The following CNTN1 variants were observed in gnomAD, a reference collection of about 807,000 sequenced individuals.
CNTN1 encodes contactin 1, also known as contactin-1.
CNTN1 carries 38 observed loss-of-function variants against 126.4 expected under a neutral mutation model. The observed-to-expected ratio is 0.30, with a 90% CI of 0.23 to 0.39. CNTN1 has a LOEUF of 0.39. Ranked by LOEUF, CNTN1 falls within the 10% of genes least tolerant of loss-of-function variation. The pLI is 1.00. For missense variants in CNTN1, 1,009 were observed against 1,248.4 expected, an observed-to-expected ratio of 0.81 and a Z score of 2.89; for synonymous variants, 413 against 422.6, an observed-to-expected ratio of 0.98 and a Z score of 0.28.
chr12:40,945,260 C>A (rs776656025), intron 14 of CNTN1, among the ~76,000 whole-genome samples: 1 of 151,970 alleles, frequency 6.6e-6, no homozygotes, highest in Non-Finnish European at 1.5e-5. Context: ...CCTTATAGAT[C>A]TGAAACTATT....
intron 22 of CNTN1, 91 bp from the exon 23 acceptor site, chr12:41,028,972 A>G: frequency 8.1e-7 from 1 of 1,228,370 alleles, no homozygotes; most frequent in South Asian, 1.2e-5. Flanking sequence ...TTGTTAATCA[A>G]AGTATAAGCA....
At chr12:41,021,138 G>T (rs549301446) in intron 20 of CNTN1, among the ~76,000 whole-genome samples, 1 of 152,142 alleles carries the variant, frequency 6.6e-6, no homozygotes, top group Admixed American at 6.5e-5. Context: ...AAAATTCAAA[G>T]GAATTAACAT....
At chr12:41,004,873 G>A (rs1221611190) in intron 17 of CNTN1, among the ~76,000 whole-genome samples, 2 of 152,172 alleles carry the variant, frequency 1.3e-5, no homozygotes, top group Admixed American at 6.5e-5. Context: ...ATGGGTCTTG[G>A]TTCTTTATCC....
intron 23 of CNTN1, among the ~76,000 whole-genome samples, chr12:41,038,427 C>T (rs1949319272): frequency 6.6e-6 from 1 of 151,944 alleles, no homozygotes; most frequent in Non-Finnish European, 1.5e-5. Context: ...TGTAGATGGC[C>T]GTGTCTTCCC....
chr12:41,066,508 T>G (rs1396266548), intron 23 of CNTN1, among the ~76,000 whole-genome samples: 1 of 152,164 alleles, frequency 6.6e-6, no homozygotes, highest in African/African-American at 2.4e-5. Flanking sequence ...TCAACACAGC[T>G]AAAACATAAT....
chr12:40,710,472 A>T (rs1410154381), intron 1 of CNTN1, among the ~76,000 whole-genome samples: 1 of 152,192 alleles, frequency 6.6e-6, no homozygotes, highest in Non-Finnish European at 1.5e-5. Context: ...AAACGATGAC[A>T]CAGAGATAAG....
intron 1 of CNTN1, chr12:40,729,408 T>C (rs1391073786): frequency 1.3e-5 from 2 of 154,188 alleles, no homozygotes; most frequent in African/African-American, 2.4e-5. Context: ...ATTGTTAATG[T>C]CGACATCACT....
chr12:41,010,431 T>C (rs1397263922), intron 17 of CNTN1, among the ~76,000 whole-genome samples: 1 of 152,160 alleles, frequency 6.6e-6, no homozygotes, highest in African/African-American at 2.4e-5. Context: ...TCCTGGGCTT[T>C]GTATGTTTGC....
At chr12:40,846,906 C>T (rs960543409) in intron 1 of CNTN1, among the ~76,000 whole-genome samples, 1 of 151,778 alleles carries the variant, frequency 6.6e-6, no homozygotes, top group African/African-American at 2.4e-5. Flanking sequence ...CTCACTCTGT[C>T]GCCCAGGCTG....
At chr12:40,914,602 T>G (rs1301931110) in intron 3 of CNTN1, among the ~76,000 whole-genome samples, 1 of 152,182 alleles carries the variant, frequency 6.6e-6, no homozygotes, top group Non-Finnish European at 1.5e-5. Flanking sequence ...TGTCCTATTC[T>G]GCTTTTTGTT....
intron 19 of CNTN1, among the ~76,000 whole-genome samples, chr12:41,019,425 T>C (rs893546262): frequency 6.6e-6 from 1 of 151,990 alleles, no homozygotes; most frequent in Non-Finnish European, 1.5e-5. Flanking sequence ...CTTGTATAAG[T>C]GTTAATCTCT....
chr12:41,033,708 G>A (rs1373328406), intron 23 of CNTN1, among the ~76,000 whole-genome samples: 3 of 152,016 alleles, frequency 2.0e-5, no homozygotes, highest in Non-Finnish European at 4.4e-5. Flanking sequence ...ATAAGGAGAT[G>A]AAGTACCAGG....
At chr12:41,042,250 T>A (rs1400552072) in intron 23 of CNTN1, among the ~76,000 whole-genome samples, 1 of 152,092 alleles carries the variant, frequency 6.6e-6, no homozygotes, top group East Asian at 1.9e-4. Flanking sequence ...TAATCCTGAG[T>A]TCTAGTTTGA....
chr12:40,819,988 C>T (rs970842922), intron 1 of CNTN1, among the ~76,000 whole-genome samples: 7 of 152,180 alleles, frequency 4.6e-5, no homozygotes, highest in African/African-American at 1.7e-4. Flanking sequence ...GTCATGCCAG[C>T]CTTCTAGTCA....
chr12:40,940,375 G>A (rs1333445919), intron 12 of CNTN1, among the ~76,000 whole-genome samples: 1 of 152,108 alleles, frequency 6.6e-6, no homozygotes, highest in East Asian at 1.9e-4. Flanking sequence ...AGTTTTCTAT[G>A]CTAAGGGGCT....
intron 1 of CNTN1, among the ~76,000 whole-genome samples, chr12:40,720,671 G>A (rs1261524926): frequency 6.6e-6 from 1 of 152,100 alleles, no homozygotes; most frequent in African/African-American, 2.4e-5. Flanking sequence ...GCTCATGTCT[G>A]TAATCCCAGT....
chr12:40,838,765 GA>G (rs1274302952), intron 1 of CNTN1, among the ~76,000 whole-genome samples: 2 of 152,076 alleles, frequency 1.3e-5, no homozygotes, highest in Non-Finnish European at 2.9e-5. Context: ...ATATCCTTAG[GA>G]AAAGTTCTCC....
intron 1 of CNTN1, among the ~76,000 whole-genome samples, chr12:40,712,532 G>C (rs1941945285): frequency 6.6e-6 from 1 of 152,070 alleles, no homozygotes; most frequent in Non-Finnish European, 1.5e-5. Flanking sequence ...GATCCAAGGT[G>C]GATGTGGAGA....
intron 16 of CNTN1, among the ~76,000 whole-genome samples, chr12:40,988,008 A>G (rs1188937925): frequency 1.4e-5 from 2 of 144,414 alleles, no homozygotes; most frequent in Non-Finnish European, 3.0e-5. Context: ...CTAGATTTTT[A>G]TGAGGCTACA....
Sources: gnomAD v4.1 joint callset for allele counts (sites outside exome capture counted in the v4.1 genomes callset) on GRCh38, gnomAD v4.1.1 for gene constraint, MANE v1.5 for transcripts, NCBI Gene and HGNC (gene_info 2026-07-23, HGNC 2026-07-21) for gene names.